The following ESRRG variants were observed in gnomAD, a reference collection of about 807,000 sequenced individuals.
The protein encoded by ESRRG is estrogen-related receptor gamma.
In ESRRG, 13 loss-of-function variants were observed where a neutral mutation model predicts 44.0. The ratio of observed to expected loss-of-function variants is 0.30; its 90% confidence interval spans 0.19 to 0.47. The LOEUF is 0.47. Among genes scored for constraint, ESRRG ranks in the 20% least tolerant of loss-of-function variants. The pLI, the probability that ESRRG is intolerant of heterozygous loss-of-function variation, is 1.00. For synonymous variants in ESRRG, 215 were observed against 214.6 expected, an observed-to-expected ratio of 1.00 and a Z score of -0.02; for missense variants, 395 against 580.6, an observed-to-expected ratio of 0.68 and a Z score of 3.29.
chr1:216,542,535 A>C lies in ESRRG; in HGVS notation c.862+21684T>G, dbSNP rs569139625. ...GAATTAACAGATAGAAAGCTGCCAT[A>C]TGAAGGCTTATACTTCAATAATATT... On this transcript the variant is annotated intron_variant, in intron 5 of 6. Coordinates refer to ENST00000408911, the MANE Select transcript of ESRRG (RefSeq NM_001438.4). 1.8e-3 allele frequency among the ~76,000 whole-genome samples: 274 copies of C among 152,136 alleles called. 1 individual carries two copies. The highest frequency in any genetic ancestry group is 6.3e-3 in the African/African-American group (261 of 41,540).
intron 2 of ESRRG, among the ~76,000 whole-genome samples, chr1:216,778,168 T>C (rs930885340): frequency 1.3e-5 from 2 of 151,908 alleles, no homozygotes; most frequent in South Asian, 2.1e-4. Context: ...GGTGGGGTGT[T>C]ATTAGAGAGT....
intron 2 of ESRRG, among the ~76,000 whole-genome samples, chr1:216,671,705 T>C (rs1291631808): frequency 6.6e-6 from 1 of 152,210 alleles, no homozygotes; most frequent in Admixed American, 6.6e-5. Flanking sequence ...GAACATCTTT[T>C]TAAAATCTCA....
At chr1:216,927,873 G>A (rs2062802745) in intron 2 of ESRRG, among the ~76,000 whole-genome samples, 2 of 152,194 alleles carry the variant, frequency 1.3e-5, no homozygotes, top group Non-Finnish European at 2.9e-5. Flanking sequence ...ACAATTCAAA[G>A]GGCATTAAAG....
At chr1:216,918,076 C>T (rs1016217102) in intron 2 of ESRRG, among the ~76,000 whole-genome samples, 1 of 152,052 alleles carries the variant, frequency 6.6e-6, no homozygotes, top group Non-Finnish European at 1.5e-5. Context: ...TATTTATGAG[C>T]CCTTTAAAGT....
chr1:216,942,683 A>G (rs1353152517), intron 1 of ESRRG, among the ~76,000 whole-genome samples: 1 of 151,880 alleles, frequency 6.6e-6, no homozygotes, highest in Non-Finnish European at 1.5e-5. Flanking sequence ...GCATTTTTTC[A>G]TATGTTTGTT....
In ESRRG at chr1:216,910,200, A is replaced by T. The variant is rs549628670; in HGVS notation, c.-14+29382T>A. Reference sequence around the variant, plus strand: ...TTATATTATTGCATGAAAATGAAAAAGTTTGGCTGAAACACACACACACAC... The same window carrying T: ...TTATATTATTGCATGAAAATGAAAATGTTTGGCTGAAACACACACACACAC... On this transcript the variant is annotated intron_variant, in intron 2 of 7. Transcript: ENST00000359162. Among the ~76,000 whole-genome samples, 166 of 152,078 alleles carry T rather than the reference A, an allele frequency of 1.1e-3. 1 individual carries two copies. The South Asian group carries it at 0.017, about 16-fold the overall frequency.
chr1:216,792,852 A>G (rs1352285272), intron 2 of ESRRG, among the ~76,000 whole-genome samples: 10 of 152,156 alleles, frequency 6.6e-5, no homozygotes, highest in Non-Finnish European at 4.4e-5. Flanking sequence ...GACTCATTCA[A>G]TATAGCTTTT....
At chr1:217,015,731 A>AAT (rs759911532) in intron 1 of ESRRG, among the ~76,000 whole-genome samples, 4 of 142,116 alleles carry the variant, frequency 2.8e-5, no homozygotes, top group Non-Finnish European at 3.1e-5. Context: ...GGGCAGCTAG[A>AAT]TTTTTTTTTT....
chr1:217,080,489 T>C (rs1420897192), intron 1 of ESRRG, among the ~76,000 whole-genome samples: 3 of 152,126 alleles, frequency 2.0e-5, no homozygotes. Flanking sequence ...CCCTGAAGAT[T>C]GTTTTCTTCA....
rs531150938 is a variant in ESRRG, at chr1:216,762,746, C to A, written c.-13-85255G>T. Among the ~76,000 whole-genome samples the A allele has an allele frequency of 2.2e-4, 32 of 148,502 alleles. No homozygotes were observed. In the South Asian group the frequency reaches 6.6e-3, roughly 31 times the overall value. ...AATAAATAAATAAAAAGAATGAGCA[C>A]CCTGTAGTAATAGATAGGCTAGGGA... On this transcript the variant is annotated intron_variant, in intron 2 of 7. Transcript: ENST00000359162.
At chr1:216,533,352 G>T (rs1341530011) in intron 5 of ESRRG, among the ~76,000 whole-genome samples, 1 of 152,054 alleles carries the variant, frequency 6.6e-6, no homozygotes, top group African/African-American at 2.4e-5. Flanking sequence ...TTCCTTTGGG[G>T]ATGCCTGTCA....
intron 1 of ESRRG, among the ~76,000 whole-genome samples, chr1:217,117,762 G>A (rs2092751105): frequency 6.6e-6 from 1 of 151,948 alleles, no homozygotes; most frequent in Admixed American, 6.6e-5. Flanking sequence ...CCAAACTGAG[G>A]TCCTTAATCT....
At chr1:217,101,654 C>T (rs1386729801) in intron 1 of ESRRG, among the ~76,000 whole-genome samples, 1 of 152,174 alleles carries the variant, frequency 6.6e-6, no homozygotes, top group Non-Finnish European at 1.5e-5. Context: ...TCTCCTACCT[C>T]ACTCCACCTC....
chr1:216,712,501 G>C (rs996702192), intron 1 of ESRRG, among the ~76,000 whole-genome samples: 1 of 152,108 alleles, frequency 6.6e-6, no homozygotes, highest in South Asian at 2.1e-4. Context: ...TAGTATTGGC[G>C]ACGTGATGAA....
intron 1 of ESRRG, among the ~76,000 whole-genome samples, chr1:217,135,620 G>A (rs1023498559): frequency 3.3e-5 from 5 of 152,134 alleles, no homozygotes; most frequent in African/African-American, 1.2e-4. Flanking sequence ...AGCGGGGTCA[G>A]GCGCGGACCC....
intron 2 of ESRRG, among the ~76,000 whole-genome samples, chr1:216,779,788 A>G (rs1391557292): frequency 9.9e-5 from 15 of 151,080 alleles, no homozygotes; most frequent in Non-Finnish European, 1.8e-4. Flanking sequence ...CAGATGTTAG[A>G]AAAACATATT....
At chr1:216,779,305 C>A (rs1465040250) in intron 2 of ESRRG, among the ~76,000 whole-genome samples, 2 of 17,620 alleles carry the variant, frequency 1.1e-4, no homozygotes, top group Non-Finnish European at 1.8e-4. Context: ...TATTTATAAA[C>A]ATTATATTTA....
At chr1:216,661,925 A>C (rs761833074) in intron 2 of ESRRG, among the ~76,000 whole-genome samples, 2 of 152,176 alleles carry the variant, frequency 1.3e-5, no homozygotes, top group African/African-American at 2.4e-5. Context: ...ACTGGAGTCA[A>C]ATTGGGCTGC....
chr1:217,091,783 T>C (rs1261368502), upstream of ESRRG, among the ~76,000 whole-genome samples: 1 of 152,190 alleles, frequency 6.6e-6, no homozygotes, highest in Admixed American at 6.5e-5. Context: ...AAGGAGGGAT[T>C]ACTATAGGCG....
Sources: gnomAD v4.1 joint callset for allele counts (sites outside exome capture counted in the v4.1 genomes callset) on GRCh38, gnomAD v4.1.1 for gene constraint, MANE v1.5 for transcripts, NCBI Gene and HGNC (gene_info 2026-07-23, HGNC 2026-07-21) for gene names.